Variants in TTC17 observed in about 807,000 individuals in gnomAD.
The protein encoded by TTC17 is tetratricopeptide repeat domain 17.
A neutral mutation model predicts 143.8 loss-of-function variants in TTC17; 58 were observed. That is an observed-to-expected ratio of 0.40 (90% confidence interval 0.33 to 0.50). TTC17 has a LOEUF of 0.50. Among genes scored for constraint, TTC17 ranks in the 20% least tolerant of loss-of-function variants. The pLI is 0.49. For missense variants in TTC17, 1,273 were observed against 1,392.5 expected (o/e 0.91, Z 1.37); for synonymous variants, 501 against 497.8 (o/e 1.01, Z -0.09).
chr11:43,447,867 G>T (rs560505109), intron 18 of TTC17, 135 bp from the exon 19 acceptor site: 172 of 1,052,104 alleles, frequency 1.6e-4, no homozygotes, highest in Middle Eastern at 9.8e-4. Flanking sequence ...CATAGATGGG[G>T]GAAATGTTAA....
intron 21 of TTC17, among the ~76,000 whole-genome samples, chr11:43,480,887 C>CAAAAAAAAAAAAAAAAAAAAAAAAA (rs58806758): frequency 1.0e-5 from 1 of 99,026 alleles, no homozygotes; most frequent in Non-Finnish European, 2.2e-5. Flanking sequence ...CAAGAAAATG[C>CAAAAAAAAAAAAAAAAAAAAAAAAA]AAAAAAAAAA....
rs1036670588 is a variant in TTC17, at chr11:43,493,847, C to A, written c.3369C>A (p.Asn1123Lys). 1.9e-6 allele frequency: 3 copies of A among 1,614,070 alleles called. No homozygotes were observed. The highest frequency in any genetic ancestry group is 2.2e-5 in the East Asian group (1 of 44,878). ...KLQPEFVPAKNRIQTIQCHLM... is the reference protein window; with the variant it reads ...KLQPEFVPAKKRIQTIQCHLM... ...AGCCCGAGTTTGTCCCAGCCAAGAA[C>A]CGAATCCAGACCATCCAGTGTCACT... Residue 1123 changes from asparagine to lysine, a missense_variant, in exon 24 of 24, where the codon AAC (asparagine) becomes AAA (lysine). Around this residue, in one of 3 missense-constraint regions of TTC17, gnomAD observed 878 missense variants for 899.8 expected, o/e 0.98. Transcript: ENST00000039989.
At chr11:43,372,184 T>C (rs968390696) in intron 1 of TTC17, among the ~76,000 whole-genome samples, 24 of 152,242 alleles carry the variant, frequency 1.6e-4, no homozygotes, top group African/African-American at 4.8e-4. Context: ...TCAACTGTTC[T>C]GGAGAAAAGC....
chr11:43,464,515 G>C (rs1381075940), intron 21 of TTC17, among the ~76,000 whole-genome samples: 1 of 151,882 alleles, frequency 6.6e-6, no homozygotes, highest in Non-Finnish European at 1.5e-5. Flanking sequence ...ATTTCAAACA[G>C]GCGCAATGAA....
intron 16 of TTC17, among the ~76,000 whole-genome samples, chr11:43,441,495 T>C (rs1220374751): frequency 6.6e-6 from 1 of 152,212 alleles, no homozygotes; most frequent in East Asian, 1.9e-4. Flanking sequence ...TTTCATTTCT[T>C]AAGGTTAGAA....
chr11:43,492,032 A>G lies in TTC17; in HGVS notation c.3163A>G (p.Ile1055Val). 6.2e-7 allele frequency: 1 copy of G among 1,614,014 alleles called. No individual in the cohort carries two copies. The highest frequency in any genetic ancestry group is 8.5e-7 in the Non-Finnish European group (1 of 1,179,946). Residue 1055 changes from isoleucine to valine, a missense_variant, in exon 23 of 24, where the codon ATT (isoleucine) becomes GTT (valine). Coordinates refer to ENST00000039989, the MANE Select transcript of TTC17 (RefSeq NM_018259.6). Reference protein sequence around the residue: ...APHQMKDVPLISLANILHNAK... With the variant: ...APHQMKDVPLVSLANILHNAK... ...CTTCTTCTCCCAGGATGTGCCCCTGATTAGCCTGGCCAACATCTTGCACAA... is the reference window on the plus strand; with the variant it reads ...CTTCTTCTCCCAGGATGTGCCCCTGGTTAGCCTGGCCAACATCTTGCACAA...
intron 1 of TTC17, among the ~76,000 whole-genome samples, chr11:43,359,818 C>A (rs749944484): frequency 1.3e-5 from 2 of 152,214 alleles, no homozygotes; most frequent in Non-Finnish European, 2.9e-5. Flanking sequence ...GACCCAGCCT[C>A]GCATGGAGGA....
intron 5 of TTC17, 61 bp from the exon 6 acceptor site, chr11:43,396,648 T>A: frequency 1.1e-6 from 1 of 943,064 alleles, no homozygotes; most frequent in East Asian, 2.5e-5. Flanking sequence ...GTGCTCCTTT[T>A]GAGTATTCTA....
chr11:43,377,739 A>G, intron 1 of TTC17, among the ~76,000 whole-genome samples: 1 of 152,224 alleles, frequency 6.6e-6, no homozygotes, highest in East Asian at 1.9e-4. Flanking sequence ...CATGCTATGG[A>G]AATATTATTA....
intron 3 of TTC17, 116 bp downstream of exon 3, chr11:43,389,937 AT>A (rs1857313196): frequency 2.3e-6 from 2 of 881,812 alleles, no homozygotes; most frequent in African/African-American, 3.4e-5. Context: ...GAGTTTTCGA[AT>A]TTGAAAATTC....
rs756400573 is a variant in TTC17 at position 43,451,188 on chromosome 11, C to G, written c.2953C>G (p.Gln985Glu). ...TGESQLTEVL[Q>E]NLGKDQYPQQ... ...CTATCTTCCTTCCTTCCAGGTATTA[C>G]AAAATCTCGGCAAAGACCAATATCC... The change falls in exon 21 of 24, where the codon CAA becomes GAA. Residue 985 changes from glutamine (Q) to glutamate (E), a missense_variant. Physicochemically the swap from Gln to Glu is conservative, Grantham distance 29. Transcript: ENST00000039989. 6.2e-7 allele frequency: 1 copy of G among 1,613,254 alleles called. No homozygotes were observed. Among genetic ancestry groups the G allele is most frequent in the Non-Finnish European group, 8.5e-7 (1 of 1,179,292 alleles).
intron 2 of TTC17, among the ~76,000 whole-genome samples, chr11:43,381,152 G>T (rs775510885): frequency 3.3e-5 from 5 of 152,164 alleles, no homozygotes; most frequent in African/African-American, 7.2e-5. Context: ...GGTTAAGGTA[G>T]TGTAGGAGTT....
intron 21 of TTC17, among the ~76,000 whole-genome samples, chr11:43,489,455 C>T (rs138291890): frequency 3.3e-5 from 5 of 151,934 alleles, no homozygotes; most frequent in African/African-American, 7.2e-5. Context: ...TGTTATAATC[C>T]GGGTGGGCAT....
At chr11:43,398,526 G>A (rs891938699) in intron 8 of TTC17, among the ~76,000 whole-genome samples, 3 of 152,124 alleles carry the variant, frequency 2.0e-5, no homozygotes, top group African/African-American at 7.2e-5. Context: ...TTCTCCTCTT[G>A]GAGAGAGGTG....
intron 2 of TTC17, among the ~76,000 whole-genome samples, chr11:43,387,269 G>C (rs188883467): frequency 1.8e-3 from 279 of 152,218 alleles, no homozygotes; most frequent in Admixed American, 6.2e-3. Flanking sequence ...GCAACAAATA[G>C]CCCGCAGAAC....
chr11:43,492,758 A>C (rs940291266), intron 23 of TTC17, among the ~76,000 whole-genome samples: 4 of 152,230 alleles, frequency 2.6e-5, no homozygotes, highest in Non-Finnish European at 4.4e-5. Context: ...CCATTTACAG[A>C]GAAAATGGCA....
At chr11:43,451,542 T>C (rs1947657588) in intron 21 of TTC17, among the ~76,000 whole-genome samples, 1 of 152,234 alleles carries the variant, frequency 6.6e-6, no homozygotes, top group Admixed American at 6.5e-5. Flanking sequence ...GGTGGTAGTA[T>C]TGGAAACCAT....
intron 16 of TTC17, among the ~76,000 whole-genome samples, chr11:43,419,639 G>A (rs1195021865): frequency 1.3e-5 from 2 of 152,136 alleles, no homozygotes; most frequent in African/African-American, 2.4e-5. Flanking sequence ...AATTAGTGAA[G>A]GTATCTGCTT....
At chr11:43,368,641 TC>T (rs777512816) in intron 1 of TTC17, among the ~76,000 whole-genome samples, 13 of 152,172 alleles carry the variant, frequency 8.5e-5, no homozygotes, top group Admixed American at 1.3e-4. Context: ...TCTACTTTTG[TC>T]CCCTAGATCT....
Sources: allele counts gnomAD v4.1 joint callset (sites outside exome capture counted in the v4.1 genomes callset), GRCh38; gene constraint gnomAD v4.1.1; regional missense constraint gnomAD v4.1.1; transcripts MANE v1.5; gene names NCBI Gene and HGNC (gene_info 2026-07-23, HGNC 2026-07-21).